MCM3AP: variants seen among roughly 807,000 people sequenced by gnomAD.
The protein encoded by MCM3AP is germinal-center associated nuclear protein.
A neutral mutation model predicts 184.1 loss-of-function variants in MCM3AP; 126 were observed. The observed-to-expected ratio is 0.68, with a 90% CI of 0.59 to 0.79. The LOEUF is 0.79. Among genes scored for constraint, MCM3AP ranks in the 30% least tolerant of loss-of-function variants. The pLI is 0.00. For synonymous variants in MCM3AP, 1,002 were observed against 979.3 expected (o/e 1.02, Z -0.43); for missense variants, 2,496 against 2,479.2 (o/e 1.01, Z -0.14).
At position 46,239,274 on chromosome 21, in the gene MCM3AP, CAAGT is replaced by C. The variant is rs1332080233; in HGVS notation, c.5633+1533_5633+1536del. On this transcript the variant is annotated intron_variant, in intron 26 of 27. Transcript: ENST00000291688. ...AAACCACTGAGAGGCTGTAAGCAAG[CAAGT>C]GACACGACCTCCATCTTAACTCACT... is the stretch of plus-strand genomic sequence containing the variant. Among the ~76,000 whole-genome samples, 6 of 152,202 alleles carry C rather than the reference CAAGT, an allele frequency of 3.9e-5. No homozygotes were observed. In the East Asian group the frequency reaches 7.7e-4, roughly 20 times the overall value.
In MCM3AP at chr21:46,256,960, T is replaced by C. The variant is rs2145651126; in HGVS notation, c.3761A>G (p.Lys1254Arg). The stretch of plus-strand genomic sequence containing the variant: ...AGCCCGCATTTGGCGCCTCAGTTTC[T>C]TGCGGGCTGTGACAGCTTCCCTCCA... ...QRWREAVTAR[K>R]KLRRQMRAFP... Residue 1254 changes from lysine to arginine, a missense_variant, in exon 17 of 28, where the codon AAG becomes AGG. By Grantham distance (26) the Lys-to-Arg change is conservative. Around this residue, in one of 5 missense-constraint regions of MCM3AP, gnomAD observed 1,323 missense variants for 1,273.4 expected, o/e 1.04. Transcript: ENST00000291688. 2 of 1,612,298 alleles carry C rather than the reference T, an allele frequency of 1.2e-6. No individual in the cohort carries two copies. The highest frequency in any genetic ancestry group is 1.7e-6 in the Non-Finnish European group (2 of 1,179,120).
chr21:46,280,223 T>C lies in MCM3AP; in HGVS notation c.1523-86A>G, dbSNP rs2081314736. On this transcript the variant is annotated intron_variant, in intron 3 of 27. Transcript: ENST00000291688. Reference sequence around the variant, plus strand: ...TTTCACTCTGTTTCTAAGAAAGTAATATTATTTTCATTGTCACAGGAGGTT... The same window carrying C: ...TTTCACTCTGTTTCTAAGAAAGTAACATTATTTTCATTGTCACAGGAGGTT... 1.0e-5 allele frequency: 14 copies of C among 1,405,856 alleles called. No individual in the cohort carries two copies. The South Asian group carries it at 1.5e-4, about 15-fold the overall frequency. The allele number at this position is 1,405,856 out of a possible 1,614,324, so 87.1% of individuals were successfully genotyped here.
intron 10 of MCM3AP, 38 bp downstream of exon 10, chr21:46,266,944 G>T (rs2081119780): frequency 6.2e-7 from 1 of 1,608,290 alleles, no homozygotes; most frequent in South Asian, 1.1e-5. Flanking sequence ...CAAGAAAAAA[G>T]GAGACAGGGG....
intron 9 of MCM3AP, among the ~76,000 whole-genome samples, chr21:46,269,214 A>G (rs986568933): frequency 9.2e-5 from 14 of 152,006 alleles, no homozygotes; most frequent in Middle Eastern, 3.4e-3. Context: ...CCTGGGCTCA[A>G]GCGATCCTCC....
Position 46,280,026 on chromosome 21 carries a change from C to T in MCM3AP, c.1634G>A (p.Gly545Glu). ...CAGGAGGCTGCTAGCACCAGTCCTCCCTGCGGCCTTGCCAAGAGGAGAGTG... is the reference window on the plus strand; with the variant it reads ...CAGGAGGCTGCTAGCACCAGTCCTCTCTGCGGCCTTGCCAAGAGGAGAGTG... ...FQHSPLGKAAGRTGASSLLNK... is the reference protein window; with the variant it reads ...FQHSPLGKAAERTGASSLLNK... Residue 545 changes from glycine (G) to glutamate (E), a missense_variant, in exon 4 of 28, where the codon GGG becomes GAG. Gly to Glu is a moderately conservative substitution (Grantham distance 98). This residue lies in a region of MCM3AP where 800 missense variants were observed against 717.1 expected (regional missense o/e 1.12). Coordinates refer to ENST00000291688, the MANE Select transcript of MCM3AP (RefSeq NM_003906.5). 1 of 1,614,042 alleles carries T rather than the reference C, an allele frequency of 6.2e-7. No individual in the cohort carries two copies. Among genetic ancestry groups the T allele is most frequent in the South Asian group, 1.1e-5 (1 of 91,068 alleles).
At chr21:46,278,246 G>A (rs1356280476) in intron 4 of MCM3AP, among the ~76,000 whole-genome samples, 1 of 151,856 alleles carries the variant, frequency 6.6e-6, no homozygotes, top group Non-Finnish European at 1.5e-5. Flanking sequence ...AACTCAGCAT[G>A]AAAAAAGTCT....
In MCM3AP at chr21:46,280,146, A is replaced by G; in HGVS notation, c.1523-9T>C. The G allele has an allele frequency of 1.2e-6, 2 of 1,613,804 alleles. No individual in the cohort carries two copies. Among genetic ancestry groups the G allele is most frequent in the Non-Finnish European group, 8.5e-7 (1 of 1,179,890 alleles). On this transcript the variant is annotated splice_polypyrimidine_tract_variant and intron_variant, in intron 3 of 27. Coordinates refer to ENST00000291688, the MANE Select transcript of MCM3AP (RefSeq NM_003906.5). ...GGGTTTCTTATTGGGGCCTGTGGAC[A>G]TAGGAGGCAGAAAAGAGTTTATGCA...
intron 23 of MCM3AP, among the ~76,000 whole-genome samples, chr21:46,244,364 G>T (rs1010099789): frequency 3.9e-5 from 6 of 152,230 alleles, no homozygotes; most frequent in Non-Finnish European, 8.8e-5. Context: ...CATAGAAGAA[G>T]GCCTCTTTGA....
intron 23 of MCM3AP, 192 bp downstream of exon 23, chr21:46,244,615 C>T (rs568276741): frequency 7.3e-4 from 462 of 635,402 alleles, no homozygotes; most frequent in Non-Finnish European, 1.0e-3. Flanking sequence ...CTCCACAAAA[C>T]CCAGCTTGTT....
At chr21:46,271,316 C>A (rs962336721) in intron 8 of MCM3AP, among the ~76,000 whole-genome samples, 4 of 150,260 alleles carry the variant, frequency 2.7e-5, no homozygotes, top group African/African-American at 9.8e-5. Flanking sequence ...CCATGGGCCA[C>A]CACACCTGGG....
rs146744485 is a variant in MCM3AP, at chr21:46,246,312, T to C, written c.4642A>G (p.Thr1548Ala). Reference sequence around the variant, plus strand: ...TAAAAATGATGAAACCTTACCTTAGTTGAACCTTGTAGATCATTAATGGTA... The same window carrying C: ...TAAAAATGATGAAACCTTACCTTAGCTGAACCTTGTAGATCATTAATGGTA... The part of the protein sequence containing the change: ...PDTINDLQGS[T>A]KVLQAVQWLV... Residue 1548 changes from threonine to alanine, a missense_variant, in exon 22 of 28, where the codon ACT (threonine) becomes GCT (alanine). Physicochemically the swap from Thr to Ala is moderately conservative, Grantham distance 58 (BLOSUM62 0). This residue lies in a region of MCM3AP where 1,323 missense variants were observed against 1,273.4 expected (regional missense o/e 1.04). Coordinates refer to ENST00000291688, the MANE Select transcript of MCM3AP (RefSeq NM_003906.5). 4.3e-5 allele frequency: 68 copies of C among 1,597,590 alleles called. No individual in the cohort carries two copies. The African/African-American group carries it at 8.7e-4, about 20-fold the overall frequency.
chr21:46,258,610 G>A (rs2080991801), intron 16 of MCM3AP, among the ~76,000 whole-genome samples: 1 of 152,030 alleles, frequency 6.6e-6, no homozygotes, highest in African/African-American at 2.4e-5. Flanking sequence ...CCATAATCTG[G>A]CTTGTTCATA....
rs747933094 is a variant in MCM3AP at position 46,243,669 on chromosome 21, T to C, written c.5092A>G (p.Ser1698Gly). ...MVVQYASQIP[S>G]SRQTQPVLQS... ...AGGACAGGCTGTGTCTGGCGTGAGC[T>C]GGGGATCTGGGAGGCGTACTGGACA... is the stretch of plus-strand genomic sequence containing the variant. The change falls in exon 24 of 28, where the codon AGC (serine) becomes GGC (glycine). Residue 1698 changes from serine to glycine, a missense_variant. Ser to Gly is a moderately conservative substitution (Grantham distance 56, BLOSUM62 0). This residue lies in a region of MCM3AP where 1,323 missense variants were observed against 1,273.4 expected (regional missense o/e 1.04). Transcript: ENST00000291688. 21 of 1,614,000 alleles carry C rather than the reference T, an allele frequency of 1.3e-5. No homozygotes were observed. The highest frequency in any genetic ancestry group is 4.5e-5 in the East Asian group (2 of 44,898).
intron 19 of MCM3AP, chr21:46,253,167 T>G (rs1225784868): frequency 6.6e-6 from 1 of 152,174 alleles, no homozygotes; most frequent in Non-Finnish European, 1.5e-5. Flanking sequence ...CTGTAGTTGC[T>G]TTAAAAATAT....
chr21:46,245,805 A>G (rs1027049892), intron 22 of MCM3AP, among the ~76,000 whole-genome samples: 1 of 152,096 alleles, frequency 6.6e-6, no homozygotes, highest in African/African-American at 2.4e-5. Flanking sequence ...CCAGCTTCAG[A>G]CTTCCTTTTT....
Position 46,283,628 on chromosome 21 carries a change from T to C in MCM3AP, c.1430A>G (p.His477Arg). Residue 477 changes from histidine to arginine, a missense_variant, in exon 2 of 28, where the codon CAT becomes CGT. By Grantham distance (29) the His-to-Arg change is conservative. Around this residue, in one of 5 missense-constraint regions of MCM3AP, gnomAD observed 800 missense variants for 717.1 expected, o/e 1.12. Coordinates refer to ENST00000291688, the MANE Select transcript of MCM3AP (RefSeq NM_003906.5). The stretch of plus-strand genomic sequence containing the variant: ...GGGAGTACTCACATGATCAAAGAAA[T>C]GTACCACTGCAAGCTTTTTGCTGCG... ...TRRSKKLAVVHFFDHASAALA... is the reference protein window; with the variant it reads ...TRRSKKLAVVRFFDHASAALA... The C allele has an allele frequency of 1.2e-6, 2 of 1,612,758 alleles. No homozygotes were observed. The highest frequency in any genetic ancestry group is 1.1e-5 in the South Asian group (1 of 91,048).
intron 16 of MCM3AP, 45 bp from the exon 17 acceptor site, chr21:46,257,031 T>G (rs2080963924): frequency 6.4e-7 from 1 of 1,566,694 alleles, no homozygotes; most frequent in African/African-American, 1.4e-5. Context: ...TTCAGGGTCT[T>G]CAAACTGAGA....
At position 46,267,068 on chromosome 21, in the gene MCM3AP, C is replaced by A. The variant is rs1234112258; in HGVS notation, c.2703G>T (p.Leu901=). The change falls in exon 10 of 28, where the codon CTG becomes CTT. Residue 901 remains leucine, a synonymous_variant. Transcript: ENST00000291688. ...VSTQRSTIFP[L]DGVVRMLLFR... is the part of the protein sequence containing the mutation. ...ACAGCAGCATGCGCACCACACCATC[C>A]AGGGGAAAGATGGTAGATCGCTGTG... The A allele has an allele frequency of 1.9e-6, 3 of 1,614,058 alleles. No homozygotes were observed. The highest frequency in any genetic ancestry group is 2.5e-6 in the Non-Finnish European group (3 of 1,179,906).
chr21:46,283,161 A>G (rs993566162), intron 2 of MCM3AP, among the ~76,000 whole-genome samples: 2 of 152,136 alleles, frequency 1.3e-5, no homozygotes, highest in East Asian at 1.9e-4. Context: ...TCCTGACCTC[A>G]TGATCCGCCC....
Sources: allele counts gnomAD v4.1 joint callset (sites outside exome capture counted in the v4.1 genomes callset), GRCh38; gene constraint gnomAD v4.1.1; regional missense constraint gnomAD v4.1.1; transcripts MANE v1.5; gene names NCBI Gene and HGNC (gene_info 2026-07-23, HGNC 2026-07-21).